Variants in SLC4A3 observed in about 807,000 individuals in gnomAD.
SLC4A3 encodes solute carrier family 4 member 3.
In SLC4A3, 47 loss-of-function variants were observed where a neutral mutation model predicts 114.2. That is an observed-to-expected ratio of 0.41 (90% CI 0.33 to 0.52). SLC4A3 has a LOEUF of 0.52. SLC4A3 is among the 20% of genes least tolerant of loss of function. The pLI, the probability that SLC4A3 is intolerant of heterozygous loss-of-function variation, is 0.21. For missense variants in SLC4A3, 1,312 were observed against 1,668.3 expected (o/e 0.79, Z 3.72); for synonymous variants, 693 against 710.3 (o/e 0.98, Z 0.39).
rs759324622 is a variant in SLC4A3 at position 219,634,457 on chromosome 2, C to T, written c.1599C>T (p.Phe533=). The change falls in exon 12 of 23, where the codon TTC becomes TTT. Residue 533 remains phenylalanine, a synonymous_variant. Coordinates refer to ENST00000358055, the MANE Select transcript of SLC4A3 (RefSeq NM_005070.4). ...VPFLEQPAAA[F]VRLNEAVLLE... is the part of the protein sequence containing the mutation. ...TCTTGGAGCAGCCTGCAGCAGCCTT[C>T]GTGCGTCTGAATGAGGCTGTACTCC... 8.1e-6 allele frequency: 13 copies of T among 1,614,034 alleles called. No individual in the cohort carries two copies. Among genetic ancestry groups the T allele is most frequent in the East Asian group, 2.2e-5 (1 of 44,886 alleles).
In SLC4A3 at chr2:219,638,784, C is replaced by T. The variant is rs1038061619; in HGVS notation, c.2938C>T (p.Pro980Ser). Residue 980 changes from proline to serine, a missense_variant, in exon 19 of 23, where the codon CCT becomes TCT. Coordinates refer to ENST00000358055, the MANE Select transcript of SLC4A3 (RefSeq NM_005070.4). This position sits in a 1 kb window ranked among gnomAD's most constrained non-coding sequence, Gnocchi z 7.5. ...WFIPPLGSAR[P>S]FPPWMMVAAA... is the part of the protein sequence containing the mutation. Reference sequence around the variant, plus strand: ...CATCCCACCCCTGGGCAGTGCCCGTCCTTTCCCGCCGTGGATGATGGTGGC... The same window carrying T: ...CATCCCACCCCTGGGCAGTGCCCGTTCTTTCCCGCCGTGGATGATGGTGGC... The T allele has an allele frequency of 1.9e-6, 3 of 1,614,062 alleles. No individual in the cohort carries two copies. In the African/African-American group the frequency reaches 4.0e-5, roughly 22 times the overall value.
intron 9 of SLC4A3, 79 bp from the exon 10 acceptor site, chr2:219,633,195 T>G: frequency 7.1e-7 from 1 of 1,401,628 alleles, no homozygotes; most frequent in Non-Finnish European, 9.8e-7. Flanking sequence ...ATGGAGGTCC[T>G]GACCCTCCAC....
At position 219,639,196 on chromosome 2, in the gene SLC4A3, C is replaced by G. The variant is rs118122923; in HGVS notation, c.3024-286C>G. On this transcript the variant is annotated intron_variant, in intron 19 of 22. Coordinates refer to ENST00000358055, the MANE Select transcript of SLC4A3 (RefSeq NM_005070.4). The surrounding 1 kb of genome is among the most constrained non-coding windows in gnomAD (Gnocchi z 5.9). Reference sequence around the variant, plus strand: ...CACTCTAGCAGTCTAAGCTTGCACCCAGGGATGCTCACATGTATCTAATTT... The same window carrying G: ...CACTCTAGCAGTCTAAGCTTGCACCGAGGGATGCTCACATGTATCTAATTT... 1.5e-3 allele frequency among the ~76,000 whole-genome samples: 224 copies of G among 152,298 alleles called. 7 individuals are homozygous for G. In the East Asian group the frequency reaches 0.038, roughly 26 times the overall value.
chr2:219,633,222 T>C, intron 9 of SLC4A3, 52 bp from the exon 10 acceptor site: 1 of 1,502,912 alleles, frequency 6.7e-7, no homozygotes, highest in Non-Finnish European at 9.0e-7. Flanking sequence ...CCTCATGACC[T>C]CAGTCTACCA....
At chr2:219,629,039 A>G (rs1448110238) in intron 3 of SLC4A3, 105 bp from the exon 4 acceptor site, 6 of 1,349,162 alleles carry the variant, frequency 4.4e-6, no homozygotes, top group Non-Finnish European at 5.9e-6. Flanking sequence ...AGGAAGGACT[A>G]GGGTGCCCTT....
rs1232650827 is a variant in SLC4A3, at chr2:219,639,389, T to C, written c.3024-93T>C. ...AGGGAGAACTGTTGTCTGCACGTCC[T>C]CCCCCCACCATCTCGTCTCTGTGTG... On this transcript the variant is annotated intron_variant, in intron 19 of 22. Transcript: ENST00000358055. This position sits in a 1 kb window ranked among gnomAD's most constrained non-coding sequence, Gnocchi z 5.9. 1 of 1,445,018 alleles carries C rather than the reference T, an allele frequency of 6.9e-7. No homozygotes were observed. The allele number at this position is 1,445,018 out of a possible 1,614,324, so 89.5% of individuals were successfully genotyped here. A position where few individuals can be genotyped will look rare whatever the true frequency, so the allele number is the denominator to read the frequency against.
chr2:219,635,839 C>T lies in SLC4A3; in HGVS notation c.2139C>T (p.Leu713=). 1 of 1,577,678 alleles carries T rather than the reference C, an allele frequency of 6.3e-7. No individual in the cohort carries two copies. Among genetic ancestry groups the T allele is most frequent in the Non-Finnish European group, 8.6e-7 (1 of 1,163,300 alleles). Residue 713 remains leucine (L), a synonymous_variant, in exon 14 of 23, where the codon CTC becomes CTT. Transcript: ENST00000358055. ...ALHSQCVAAV[L]FIYFAALSPA... is the part of the protein sequence containing the mutation. ...ACTCCCAGTGTGTGGCCGCTGTGCT[C>T]TTCATCTACTTCGCAGCCCTCAGCC...
In SLC4A3 at chr2:219,630,075, G is replaced by T. The variant is rs934556007; in HGVS notation, c.612-78G>T. On this transcript the variant is annotated intron_variant, in intron 5 of 22. Transcript: ENST00000358055. This position sits in a 1 kb window ranked among gnomAD's most constrained non-coding sequence, Gnocchi z 6.9. ...TCATGCTCAGGGTCTACTCCAGGCC[G>T]TGCTCTGAGCTGAGGGACGGTGATG... The T allele has an allele frequency of 6.4e-7, 1 of 1,573,706 alleles. No homozygotes were observed. Among genetic ancestry groups the T allele is most frequent in the Admixed American group, 1.7e-5 (1 of 57,222 alleles).
At chr2:219,634,082 C>G in intron 11 of SLC4A3, 103 bp downstream of exon 11, 3 of 1,337,708 alleles carry the variant, frequency 2.2e-6, no homozygotes, top group Non-Finnish European at 3.0e-6. Context: ...TCTTCCATCT[C>G]CCTCCAGGCT....
In SLC4A3 at chr2:219,636,745, C is replaced by T; in HGVS notation, c.2406C>T (p.Val802=). 1 of 1,614,096 alleles carries T rather than the reference C, an allele frequency of 6.2e-7. No homozygotes were observed. Among genetic ancestry groups the T allele is most frequent in the Non-Finnish European group, 8.5e-7 (1 of 1,179,980 alleles). Residue 802 remains valine, a synonymous_variant, in exon 16 of 23, where the codon GTC becomes GTT. Transcript: ENST00000358055. The surrounding 1 kb of genome is among the most constrained non-coding windows in gnomAD (Gnocchi z 5.5). ...GRVWVGLWLV[V]FVLALVAAEG... is the part of the protein sequence containing the mutation. ...TGTGGGTTGGTCTCTGGCTGGTGGT[C>T]TTCGTCCTTGCCCTGGTGGCCGCCG...
At chr2:219,640,068 A>G (rs1699265963) in intron 20 of SLC4A3, among the ~76,000 whole-genome samples, 1 of 152,006 alleles carries the variant, frequency 6.6e-6, no homozygotes, top group Non-Finnish European at 1.5e-5. Flanking sequence ...AGCTGGGACT[A>G]CAGGCGCCCG....
Position 219,629,250 on chromosome 2 carries a change from A to G in SLC4A3, c.324A>G (p.Arg108=), listed in dbSNP as rs1269787019. 2.5e-6 allele frequency: 4 copies of G among 1,613,656 alleles called. No homozygotes were observed. Among genetic ancestry groups the G allele is most frequent in the Non-Finnish European group, 3.4e-6 (4 of 1,179,908 alleles). The change falls in exon 4 of 23, where the codon AGA becomes AGG. Residue 108 remains arginine, a synonymous_variant. Coordinates refer to ENST00000358055, the MANE Select transcript of SLC4A3 (RefSeq NM_005070.4). ...LPPTSARHTR[R]KRKKEKTSAP... is the part of the protein sequence containing the mutation. ...CCACCTCTGCCCGGCACACCAGGAGAAAGAGGAAGAAGGAGAAAACCTCTG... is the reference window on the plus strand; with the variant it reads ...CCACCTCTGCCCGGCACACCAGGAGGAAGAGGAAGAAGGAGAAAACCTCTG...
At position 219,628,181 on chromosome 2, in the gene SLC4A3, AG is replaced by A. The variant is rs760445023; in HGVS notation, c.51+144del. ...GCTGGGCTGGGGGTTACGGAGAAAGAGGGGGGTTTTTGATATTTTCCAGATC... is the reference window on the plus strand; with the variant it reads ...GCTGGGCTGGGGGTTACGGAGAAAGAGGGGGTTTTTGATATTTTCCAGATC... On this transcript the variant is annotated intron_variant, in intron 2 of 22. Transcript: ENST00000358055. This position sits in a 1 kb window ranked among gnomAD's most constrained non-coding sequence, Gnocchi z 4.8. The A allele has an allele frequency of 2.0e-5, 16 of 817,718 alleles. No homozygotes were observed. The highest frequency in any genetic ancestry group is 1.4e-4 in the East Asian group (5 of 35,060). 50.7% of individuals were successfully genotyped at this position (817,718 alleles called of 1,614,324 possible). A position where few individuals can be genotyped will look rare whatever the true frequency, so the allele number is the denominator to read the frequency against.
intron 21 of SLC4A3, 40 bp downstream of exon 21, chr2:219,640,639 G>A (rs773158940): frequency 2.2e-5 from 35 of 1,601,022 alleles, no homozygotes; most frequent in South Asian, 5.6e-5. Flanking sequence ...GTGGGGTGAC[G>A]GGAAGGGGAT....
In SLC4A3 at chr2:219,637,456, C is replaced by T; in HGVS notation, c.2536-125C>T. On this transcript the variant is annotated intron_variant, in intron 16 of 22. Transcript: ENST00000358055. This position sits in a 1 kb window ranked among gnomAD's most constrained non-coding sequence, Gnocchi z 4.6. ...TTGTGTGTGTGGTGCAGCTGGATGT[C>T]CGTGCATTACTGTTGTCTGACCAGG... 1 of 607,116 alleles carries T rather than the reference C, an allele frequency of 1.6e-6. No individual in the cohort carries two copies. Among genetic ancestry groups the T allele is most frequent in the Non-Finnish European group, 3.0e-6 (1 of 334,922 alleles). 37.6% of individuals were successfully genotyped at this position (607,116 alleles called of 1,614,324 possible). A position where few individuals can be genotyped will look rare whatever the true frequency, so the allele number is the denominator to read the frequency against.
rs570216584 is a variant in SLC4A3 at position 219,628,491 on chromosome 2, G to T, written c.138G>T (p.Arg46Ser). ...DDLGKTLAVS[R>S]FGDLISKPPA... ...TGGGCAAGACCTTGGCTGTGAGCAG[G>T]TTTGGGGACCTCATCAGCAAGCCCC... is the stretch of plus-strand genomic sequence containing the variant. Residue 46 changes from arginine to serine, a missense_variant, in exon 3 of 23, where the codon AGG (arginine) becomes AGT (serine). Physicochemically the swap from Arg to Ser is moderately radical, Grantham distance 110. Around this residue, in one of 4 missense-constraint regions of SLC4A3, gnomAD observed 236 missense variants for 212.1 expected, o/e 1.11. Coordinates refer to ENST00000358055, the MANE Select transcript of SLC4A3 (RefSeq NM_005070.4). This position sits in a 1 kb window ranked among gnomAD's most constrained non-coding sequence, Gnocchi z 4.8. 6.2e-7 allele frequency: 1 copy of T among 1,613,860 alleles called. No individual in the cohort carries two copies. Among genetic ancestry groups the T allele is most frequent in the Non-Finnish European group, 8.5e-7 (1 of 1,179,922 alleles).
At chr2:219,632,702 C>T (rs536854349) in intron 8 of SLC4A3, among the ~76,000 whole-genome samples, 172 bp from the exon 9 acceptor site, 3 of 152,348 alleles carry the variant, frequency 2.0e-5, no homozygotes, top group African/African-American at 4.8e-5. Flanking sequence ...TCCATTTTCA[C>T]GGCCCCTCTC....
In SLC4A3 at chr2:219,636,435, G is replaced by C; in HGVS notation, c.2325G>C (p.Glu775Asp). The change falls in exon 15 of 23, where the codon GAG becomes GAC. Residue 775 changes from glutamate to aspartate, a missense_variant. Around this residue, in one of 4 missense-constraint regions of SLC4A3, gnomAD observed 771 missense variants for 977.7 expected, o/e 0.79. Transcript: ENST00000358055. This position sits in a 1 kb window ranked among gnomAD's most constrained non-coding sequence, Gnocchi z 5.5. ...TCTCTGGGCCGCTGCTTGTGTTTGA[G>C]GAAGCCTTCTTCAAGGTGAGGCGAA... ...VGFSGPLLVF[E>D]EAFFKFCRAQ... 1 of 1,610,074 alleles carries C rather than the reference G, an allele frequency of 6.2e-7. No individual in the cohort carries two copies. The highest frequency in any genetic ancestry group is 8.5e-7 in the Non-Finnish European group (1 of 1,178,250).
At chr2:219,632,220 A>T in intron 7 of SLC4A3, 42 bp from the exon 8 acceptor site, 3 of 1,612,438 alleles carry the variant, frequency 1.9e-6, no homozygotes, top group Non-Finnish European at 2.5e-6. Context: ...TGTTCCCCAC[A>T]CCTGTTGGCC....
Sources: gnomAD v4.1 joint callset for allele counts (sites outside exome capture counted in the v4.1 genomes callset) on GRCh38, gnomAD v4.1.1 for gene constraint, gnomAD v4.1.1 regional missense constraint, Gnocchi (gnomAD v3.1) non-coding constraint, MANE v1.5 for transcripts, NCBI Gene and HGNC (gene_info 2026-07-23, HGNC 2026-07-21) for gene names.